Variants in GIPC2 observed in about 807,000 individuals in gnomAD.
The protein encoded by GIPC2 is PDZ domain-containing protein GIPC2.
GIPC2 carries 30 observed loss-of-function variants against 30.6 expected under a neutral mutation model. The ratio of observed to expected loss-of-function variants is 0.98; its 90% CI spans 0.73 to 1.33. The LOEUF (loss-of-function observed/expected upper bound fraction) is 1.33, where lower values mean the gene tolerates loss of function less well. Among genes scored for constraint, GIPC2 ranks in the 40% most tolerant of loss-of-function variants. The pLI is 0.00. For missense variants in GIPC2, 414 were observed against 390.3 expected, an observed-to-expected ratio of 1.06 and a Z score of -0.51; for synonymous variants, 167 against 150.0, an observed-to-expected ratio of 1.11 and a Z score of -0.83.
intron 1 of GIPC2, among the ~76,000 whole-genome samples, 195 bp downstream of exon 1, chr1:78,046,529 C>G (rs1661090629): frequency 1.3e-5 from 2 of 152,282 alleles, no homozygotes; most frequent in African/African-American, 4.8e-5. Context: ...TTGGCAGGAC[C>G]GCAGAAAGTC....
At chr1:78,131,294 C>T (rs866925166) in intron 5 of GIPC2, among the ~76,000 whole-genome samples, 9 of 151,980 alleles carry the variant, frequency 5.9e-5, no homozygotes, top group Admixed American at 2.6e-4. Flanking sequence ...CTGCAAGCTC[C>T]GCCTCCTGGG....
At chr1:78,056,786 C>A (rs1661306389) in intron 1 of GIPC2, among the ~76,000 whole-genome samples, 1 of 152,216 alleles carries the variant, frequency 6.6e-6, no homozygotes, top group Non-Finnish European at 1.5e-5. Flanking sequence ...ACCATCCTGA[C>A]TTTCATGGTA....
At chr1:78,113,860 C>T (rs907187743) in intron 3 of GIPC2, among the ~76,000 whole-genome samples, 1 of 145,542 alleles carries the variant, frequency 6.9e-6, no homozygotes, top group East Asian at 2.5e-4. Context: ...CTTGCCCATA[C>T]CTATTTTTTT....
chr1:78,133,753 TGTGTG>T (rs1662947828), intron 5 of GIPC2, among the ~76,000 whole-genome samples: 1 of 560 alleles, frequency 1.8e-3, no homozygotes, highest in African/African-American at 5.1e-3. Context: ...AAAAAAATTG[TGTGTG>T]TGTGTGTGTG....
chr1:78,050,440 A>G (rs1661174822), intron 1 of GIPC2, among the ~76,000 whole-genome samples: 1 of 152,184 alleles, frequency 6.6e-6, no homozygotes, highest in African/African-American at 2.4e-5. Flanking sequence ...ATCAGTTAAG[A>G]TTTGTTATTA....
At chr1:78,078,524 C>T (rs1268588003) in intron 1 of GIPC2, among the ~76,000 whole-genome samples, 1 of 152,174 alleles carries the variant, frequency 6.6e-6, no homozygotes. Context: ...GCCCTGCTTG[C>T]CAACTTTTGG....
chr1:78,065,701 A>G (rs1361912858), intron 1 of GIPC2, among the ~76,000 whole-genome samples: 1 of 152,192 alleles, frequency 6.6e-6, no homozygotes, highest in Non-Finnish European at 1.5e-5. Flanking sequence ...AACAATAGAT[A>G]TATAGACCAA....
chr1:78,058,753 C>T (rs765353044), intron 1 of GIPC2, among the ~76,000 whole-genome samples: 5 of 152,208 alleles, frequency 3.3e-5, no homozygotes, highest in Non-Finnish European at 7.4e-5. Flanking sequence ...ATTCCCTTCA[C>T]TTATTTGAGT....
Position 78,119,593 on chromosome 1 carries a change from C to T in GIPC2, c.714+94C>T, listed in dbSNP as rs1428721610. 5 of 728,120 alleles carry T rather than the reference C, an allele frequency of 6.9e-6. No individual in the cohort carries two copies. In the Middle Eastern group the frequency reaches 7.1e-4, roughly 103 times the overall value. 45.1% of individuals were successfully genotyped at this position (728,120 alleles called of 1,614,324 possible). On this transcript the variant is annotated intron_variant, in intron 4 of 5. Coordinates refer to ENST00000370759, the MANE Select transcript of GIPC2 (RefSeq NM_017655.6). ...AACCAAAACTTGGACTTTTAATTCA[C>T]TGTCTATTTAAACAATCTGGAAATT...
chr1:78,135,915 T>C lies in GIPC2; in HGVS notation c.*172T>C, dbSNP rs1376186570. On this transcript the variant is annotated 3_prime_UTR_variant, in exon 6 of 6. Transcript: ENST00000370759. ...GTAATTTTGATTTCTGGGCACTTTT[T>C]AACATTGCTGATGTAGTATGCTTAA... 1 of 524,712 alleles carries C rather than the reference T, an allele frequency of 1.9e-6. No homozygotes were observed. The highest frequency in any genetic ancestry group is 3.3e-6 in the Non-Finnish European group (1 of 307,350). 32.5% of individuals were successfully genotyped at this position (524,712 alleles called of 1,614,324 possible). A position where few individuals can be genotyped will look rare whatever the true frequency, so the allele number is the denominator to read the frequency against.
intron 3 of GIPC2, among the ~76,000 whole-genome samples, chr1:78,096,961 T>A (rs553009829): frequency 1.3e-5 from 2 of 152,282 alleles, no homozygotes; most frequent in East Asian, 3.9e-4. Context: ...TGGGCCCTAG[T>A]GTGAGGGGTT....
intron 1 of GIPC2, among the ~76,000 whole-genome samples, chr1:78,059,210 G>A (rs1459217306): frequency 6.6e-6 from 1 of 152,212 alleles, no homozygotes; most frequent in Admixed American, 6.5e-5. Flanking sequence ...ATACTTAGGT[G>A]GCTGGCCTGT....
chr1:78,109,964 A>G (rs1407442199), intron 3 of GIPC2, among the ~76,000 whole-genome samples: 3 of 151,140 alleles, frequency 2.0e-5, no homozygotes, highest in Non-Finnish European at 4.4e-5. Flanking sequence ...GCATGTTCTC[A>G]CTCGTAGGTG....
chr1:78,129,963 CTTTTCT>C (rs1662860199), intron 5 of GIPC2, among the ~76,000 whole-genome samples: 2 of 132,596 alleles, frequency 1.5e-5, no homozygotes, highest in African/African-American at 6.4e-5. Flanking sequence ...TCTATAAAAT[CTTTTCT>C]TTTTTTTTTC....
intron 2 of GIPC2, among the ~76,000 whole-genome samples, chr1:78,086,881 C>T (rs894786032): frequency 1.3e-4 from 19 of 151,966 alleles, no homozygotes; most frequent in Non-Finnish European, 4.4e-5. Flanking sequence ...GGTCTTGGTT[C>T]TTTATCCAGC....
chr1:78,073,153 G>T lies in GIPC2; in HGVS notation c.241-7522G>T, dbSNP rs566356592. Among the ~76,000 whole-genome samples, 105 of 151,134 alleles carry T rather than the reference G, an allele frequency of 6.9e-4. 1 individual carries two copies. Among genetic ancestry groups the T allele is most frequent in the Non-Finnish European group, 8.6e-4 (58 of 67,802 alleles). ...GAGTATCACTCTGTTGCCCAGGCTG[G>T]AGTACAGTGGCCCGATCTCAGCTCA... On this transcript the variant is annotated intron_variant, in intron 1 of 5. Transcript: ENST00000370759.
chr1:78,088,984 G>T (rs1661988074), intron 2 of GIPC2: 1 of 151,998 alleles, frequency 6.6e-6, no homozygotes, highest in Non-Finnish European at 1.5e-5. Flanking sequence ...TTTTTGCCAA[G>T]ATAAGCAAAA....
intron 2 of GIPC2, among the ~76,000 whole-genome samples, chr1:78,083,049 C>T (rs879561523): frequency 3.3e-5 from 5 of 152,114 alleles, no homozygotes; most frequent in Admixed American, 6.6e-5. Flanking sequence ...GAAATTCATA[C>T]AGTCTAATAT....
chr1:78,083,725 G>A (rs1557536681), intron 2 of GIPC2, among the ~76,000 whole-genome samples: 1 of 152,138 alleles, frequency 6.6e-6, no homozygotes, highest in Non-Finnish European at 1.5e-5. Flanking sequence ...GTGTTTTACT[G>A]AATGGTTTAT....
Sources: gnomAD v4.1 joint callset for allele counts (sites outside exome capture counted in the v4.1 genomes callset) on GRCh38, gnomAD v4.1.1 for gene constraint, MANE v1.5 for transcripts, NCBI Gene and HGNC (gene_info 2026-07-23, HGNC 2026-07-21) for gene names.